The following SLC10A1 variants were observed in gnomAD, a reference collection of about 807,000 sequenced individuals.
SLC10A1 encodes hepatic sodium/bile acid cotransporter.
SLC10A1 carries 36 observed loss-of-function variants against 20.5 expected under a neutral mutation model. The ratio of observed to expected loss-of-function variants is 1.75; its 90% confidence interval spans 1.34 to 2.32. The LOEUF (loss-of-function observed/expected upper bound fraction) is 2.32. Ranked by LOEUF, SLC10A1 falls within the 30% of genes most tolerant of loss-of-function variation. SLC10A1 has a pLI of 0.00. For synonymous variants in SLC10A1, 188 were observed against 163.6 expected (o/e 1.15, Z -1.14); for missense variants, 545 against 439.1 (o/e 1.24, Z -2.16).
At chr14:69,790,564 A>G (rs1380928369) in intron 1 of SLC10A1, among the ~76,000 whole-genome samples, 1 of 152,114 alleles carries the variant, frequency 6.6e-6, no homozygotes, top group Non-Finnish European at 1.5e-5. Context: ...TTTTGTAGCT[A>G]TAGAAAAGTC....
chr14:69,797,014 A>G lies in SLC10A1; in HGVS notation c.142T>C (p.Phe48Leu). The G allele has an allele frequency of 6.2e-7, 1 of 1,614,108 alleles. No individual in the cohort carries two copies. The highest frequency in any genetic ancestry group is 8.5e-7 in the Non-Finnish European group (1 of 1,180,016). The change falls in exon 1 of 5, where the codon TTC becomes CTC. Residue 48 changes from phenylalanine (F) to leucine (L), a missense_variant. Transcript: ENST00000216540. ...CATAAGTGAGCCTTGATCTTGCTGA[A>G]CTCCATGGTGCAGCCCAGCGAGAGC... is the stretch of plus-strand genomic sequence containing the variant. ...IMLSLGCTME[F>L]SKIKAHLWKP...
chr14:69,795,293 T>A (rs905537689), intron 1 of SLC10A1, among the ~76,000 whole-genome samples: 2 of 152,170 alleles, frequency 1.3e-5, no homozygotes, highest in African/African-American at 4.8e-5. Flanking sequence ...TCTCTTCCCA[T>A]TGACTACTAA....
intron 2 of SLC10A1, 108 bp downstream of exon 2, chr14:69,785,989 T>C (rs990728626): frequency 7.7e-6 from 6 of 779,748 alleles, no homozygotes; most frequent in African/African-American, 1.7e-5. Context: ...ACTTAGCATC[T>C]AGTAGGAGCA....
rs1435060501 is a variant in SLC10A1, at chr14:69,775,867, A to G, written c.*415T>C. The G allele has an allele frequency of 1.3e-5, 2 of 157,554 alleles. No homozygotes were observed. The highest frequency in any genetic ancestry group is 4.8e-5 in the African/African-American group (2 of 41,538). The allele number at this position is 157,554 out of a possible 1,614,324, so 9.8% of individuals were successfully genotyped here. The stretch of plus-strand genomic sequence containing the variant: ...AACTTCTGAAGTTTAATTCTACAGC[A>G]CTTGTGAGCATTTATTTCTCTTTTG... On this transcript the variant is annotated 3_prime_UTR_variant, in exon 5 of 5. Transcript: ENST00000216540.
At chr14:69,777,009 C>G (rs776794026) in intron 4 of SLC10A1, among the ~76,000 whole-genome samples, 3 of 152,198 alleles carry the variant, frequency 2.0e-5, no homozygotes, top group Non-Finnish European at 4.4e-5. Flanking sequence ...AGTGTTTCCA[C>G]TGGGGTCTTC....
intron 1 of SLC10A1, among the ~76,000 whole-genome samples, chr14:69,789,697 A>G (rs904191726): frequency 2.0e-5 from 3 of 152,206 alleles, no homozygotes; most frequent in Non-Finnish European, 2.9e-5. Context: ...TATGTGAATT[A>G]TATCTCAATA....
At chr14:69,796,187 G>T (rs1882383074) in intron 1 of SLC10A1, among the ~76,000 whole-genome samples, 1 of 152,198 alleles carries the variant, frequency 6.6e-6, no homozygotes, top group African/African-American at 2.4e-5. Context: ...CTGAGATGGG[G>T]CTGGCCTATC....
chr14:69,779,135 T>C, intron 3 of SLC10A1, 47 bp downstream of exon 3: 3 of 1,432,132 alleles, frequency 2.1e-6, no homozygotes, highest in Non-Finnish European at 2.8e-6. Context: ...CCCTCCAGCC[T>C]GGGCAACAGA....
chr14:69,784,646 G>GT (rs1883670779), intron 2 of SLC10A1, among the ~76,000 whole-genome samples: 1 of 152,152 alleles, frequency 6.6e-6, no homozygotes, highest in Non-Finnish European at 1.5e-5. Flanking sequence ...TTTTTGTTTT[G>GT]TTTTTTGAAG....
chr14:69,797,072 G>A lies in SLC10A1; in HGVS notation c.84C>T (p.Ser28=), dbSNP rs1434384653. 4.3e-6 allele frequency: 7 copies of A among 1,614,172 alleles called. No homozygotes were observed. Among genetic ancestry groups the A allele is most frequent in the Admixed American group, 1.7e-5 (1 of 60,024 alleles). The part of the protein sequence containing the change: ...FGKRPTDLAL[S]VILVFMLFFI... ...AGAACAACATGAACACCAGGATGAC[G>A]CTCAGTGCCAGGTCTGTGGGGCGCT... Residue 28 remains serine (S), a synonymous_variant, in exon 1 of 5, where the codon AGC becomes AGT. Coordinates refer to ENST00000216540, the MANE Select transcript of SLC10A1 (RefSeq NM_003049.4).
Position 69,778,342 on chromosome 14 carries a change from T to A in SLC10A1, c.934A>T (p.Thr312Ser). Residue 312 changes from threonine (T) to serine (S), a missense_variant, in exon 4 of 5, where the codon ACT becomes TCT. Thr to Ser is a moderately conservative substitution (Grantham distance 58). Transcript: ENST00000216540. ...AIFWCYEKFK[T>S]PKDKTKMIYT... ...TAATTTCAGTACTCACCCTTGGGAG[T>A]CTTGAATTTCTCATAGCACCAAAAT... 1 of 1,603,848 alleles carries A rather than the reference T, an allele frequency of 6.2e-7. No homozygotes were observed. The highest frequency in any genetic ancestry group is 8.5e-7 in the Non-Finnish European group (1 of 1,175,154).
Position 69,789,927 on chromosome 14 carries a change from CT to C in SLC10A1, c.357-3621del, listed in dbSNP as rs1245877578. Among the ~76,000 whole-genome samples, 116 of 96,604 alleles carry C rather than the reference CT, an allele frequency of 1.2e-3. 1 individual carries two copies. The highest frequency in any genetic ancestry group is 1.2e-3 in the Non-Finnish European group (56 of 46,762). 63.4% of individuals were successfully genotyped at this position (96,604 alleles called of 152,430 possible). A position where few individuals can be genotyped will look rare whatever the true frequency, so the allele number is the denominator to read the frequency against. ...ACCAAAAATAGGGTTTTTTTTTTTT[CT>C]TTTTTTTTTTAAAGGCCAATTAAAT... On this transcript the variant is annotated intron_variant, in intron 1 of 4. Transcript: ENST00000216540.
intron 2 of SLC10A1, among the ~76,000 whole-genome samples, chr14:69,781,749 C>T (rs1202648700): frequency 6.6e-6 from 1 of 152,214 alleles, no homozygotes; most frequent in South Asian, 2.1e-4. Flanking sequence ...CTTTTAGCCA[C>T]ATAGCCTTTG....
intron 2 of SLC10A1, among the ~76,000 whole-genome samples, 189 bp from the exon 3 acceptor site, chr14:69,779,549 A>G (rs1373677678): frequency 6.6e-6 from 1 of 152,216 alleles, no homozygotes; most frequent in African/African-American, 2.4e-5. Context: ...TATTAACATT[A>G]GAGACAGGGT....
At chr14:69,790,956 A>C (rs573201729) in intron 1 of SLC10A1, among the ~76,000 whole-genome samples, 1 of 152,254 alleles carries the variant, frequency 6.6e-6, no homozygotes, top group South Asian at 2.1e-4. Context: ...TCAGTCAGTC[A>C]ATCAATTGGG....
chr14:69,793,814 C>T (rs1882329394), intron 1 of SLC10A1, among the ~76,000 whole-genome samples: 1 of 152,230 alleles, frequency 6.6e-6, no homozygotes, highest in African/African-American at 2.4e-5. Flanking sequence ...GCACTCTCTT[C>T]TCTGTGCCTG....
At chr14:69,785,591 C>CTT (rs541758842) in intron 2 of SLC10A1, among the ~76,000 whole-genome samples, 59 of 130,528 alleles carry the variant, frequency 4.5e-4, no homozygotes, top group Middle Eastern at 3.9e-3. Context: ...TCTTTCTTTT[C>CTT]TTTTTTTTTT....
chr14:69,797,149 C>T lies in SLC10A1; in HGVS notation c.7G>A (p.Ala3Thr), dbSNP rs201910047. The T allele has an allele frequency of 4.8e-5, 77 of 1,605,394 alleles. No individual in the cohort carries two copies. The highest frequency in any genetic ancestry group is 6.4e-5 in the Non-Finnish European group (75 of 1,174,982). Residue 3 changes from alanine to threonine, a missense_variant, in exon 1 of 5, where the codon GCC becomes ACC. Ala to Thr is a moderately conservative substitution (Grantham distance 58, BLOSUM62 0). Transcript: ENST00000216540. ME[A>T]HNASAPFNFT... is the part of the protein sequence containing the mutation. Reference sequence around the variant, plus strand: ...TTGAATGGGGCAGACGCGTTGTGGGCCTCCATCCTCCTGTGAGGCAGTGGA... The same window carrying T: ...TTGAATGGGGCAGACGCGTTGTGGGTCTCCATCCTCCTGTGAGGCAGTGGA...
intron 2 of SLC10A1, 88 bp downstream of exon 2, chr14:69,786,005 ATGTT>A: frequency 4.6e-6 from 4 of 876,394 alleles, no homozygotes; most frequent in South Asian, 1.6e-5. Flanking sequence ...GAGCATATGT[ATGTT>A]TATTATTAAT....
Sources: allele counts gnomAD v4.1 joint callset (sites outside exome capture counted in the v4.1 genomes callset), GRCh38; gene constraint gnomAD v4.1.1; transcripts MANE v1.5; gene names NCBI Gene and HGNC (gene_info 2026-07-23, HGNC 2026-07-21).